The following CHST11 variants were observed in gnomAD, a reference collection of about 807,000 sequenced individuals.
CHST11 encodes the protein carbohydrate sulfotransferase 11.
CHST11 carries 9 observed loss-of-function variants against 30.4 expected under a neutral mutation model. That is an observed-to-expected ratio of 0.30 (90% CI 0.18 to 0.52). The LOEUF is 0.52. Ranked by LOEUF, CHST11 falls within the 20% of genes least tolerant of loss-of-function variation. The pLI is 0.97. For missense variants in CHST11, 348 were observed against 460.6 expected, an observed-to-expected ratio of 0.76 and a Z score of 2.24; for synonymous variants, 152 against 187.8, an observed-to-expected ratio of 0.81 and a Z score of 1.56.
At chr12:104,501,699 A>C (rs967838788) in intron 1 of CHST11, among the ~76,000 whole-genome samples, 1 of 152,220 alleles carries the variant, frequency 6.6e-6, no homozygotes. Flanking sequence ...GGAGAAAATG[A>C]ACTCATGAGT....
intron 1 of CHST11, among the ~76,000 whole-genome samples, chr12:104,476,118 AAT>A (rs2037558748): frequency 1.4e-5 from 2 of 144,088 alleles, no homozygotes; most frequent in Non-Finnish European, 3.0e-5. Flanking sequence ...TATAAATAAT[AAT>A]ATATAATATA....
intron 1 of CHST11, among the ~76,000 whole-genome samples, chr12:104,563,450 G>A (rs536483169): frequency 2.0e-5 from 3 of 152,160 alleles, no homozygotes; most frequent in East Asian, 3.9e-4. Flanking sequence ...TCGCTCAAGG[G>A]GCTGTATGCT....
At chr12:104,602,308 C>A (rs539578073) in intron 2 of CHST11, 138 of 403,372 alleles carry the variant, frequency 3.4e-4, no homozygotes, top group Non-Finnish European at 5.1e-4. Flanking sequence ...CGAAGCTGTG[C>A]AGTCTTCCCT....
intron 1 of CHST11, among the ~76,000 whole-genome samples, chr12:104,567,542 A>G (rs983418185): frequency 2.0e-5 from 3 of 152,030 alleles, no homozygotes; most frequent in Non-Finnish European, 1.5e-5. Flanking sequence ...TGCCTGCCCA[A>G]AGTACCTCTA....
Position 104,581,378 on chromosome 12 carries a change from C to T in CHST11, c.119-20528C>T, listed in dbSNP as rs141240417. Among the ~76,000 whole-genome samples the T allele has an allele frequency of 4.9e-3, 748 of 152,296 alleles. 6 individuals are homozygous for T. Among genetic ancestry groups the T allele is most frequent in the Non-Finnish European group, 7.0e-3 (478 of 68,030 alleles). ...TATATCTGTGTTTATGATTCAAGCA[C>T]AGCTGTGTCAACTGTTTAACAAAGT... On this transcript the variant is annotated intron_variant, in intron 1 of 2. Transcript: ENST00000303694.
At chr12:104,677,847 CCCT>C (rs1241692944) in intron 2 of CHST11, among the ~76,000 whole-genome samples, 5 of 152,214 alleles carry the variant, frequency 3.3e-5, no homozygotes, top group South Asian at 2.1e-4. Flanking sequence ...ATCACCCTGT[CCCT>C]CAGTTGCTGT....
At chr12:104,747,222 G>A (rs1261858015) in intron 2 of CHST11, among the ~76,000 whole-genome samples, 2 of 152,202 alleles carry the variant, frequency 1.3e-5, no homozygotes, top group African/African-American at 2.4e-5. Flanking sequence ...GATAACTCCC[G>A]GGTGGGTCTC....
chr12:104,654,480 A>G (rs1284391900), intron 2 of CHST11, among the ~76,000 whole-genome samples: 1 of 152,178 alleles, frequency 6.6e-6, no homozygotes, highest in Non-Finnish European at 1.5e-5. Flanking sequence ...CTGTGCAGTG[A>G]GGACAGTGCA....
At chr12:104,544,143 AAAG>A (rs1470672443) in intron 1 of CHST11, among the ~76,000 whole-genome samples, 4 of 34,036 alleles carry the variant, frequency 1.2e-4, no homozygotes, top group Non-Finnish European at 1.2e-4. Flanking sequence ...AAAAAAAAAG[AAAG>A]AAAGAAAGAA....
rs114589271 is a variant in CHST11 at position 104,700,664 on chromosome 12, T to C, written c.205-56285T>C. Reference sequence around the variant, plus strand: ...CCTGGCACCTGGTAATACATTCATATTGCTATTGATTGCTGTTTCAAAAAC... The same window carrying C: ...CCTGGCACCTGGTAATACATTCATACTGCTATTGATTGCTGTTTCAAAAAC... On this transcript the variant is annotated intron_variant, in intron 2 of 2. Coordinates refer to ENST00000303694, the MANE Select transcript of CHST11 (RefSeq NM_018413.6). Among the ~76,000 whole-genome samples, 440 of 152,336 alleles carry C rather than the reference T, an allele frequency of 2.9e-3. 1 individual carries two copies. The highest frequency in any genetic ancestry group is 0.01 in the African/African-American group (430 of 41,572).
At chr12:104,612,091 C>T (rs569928970) in intron 2 of CHST11, among the ~76,000 whole-genome samples, 9 of 152,280 alleles carry the variant, frequency 5.9e-5, no homozygotes, top group East Asian at 1.9e-4. Flanking sequence ...GCAGCAAATA[C>T]GCACTGCGTG....
Position 104,757,818 on chromosome 12 carries a change from G to T in CHST11, c.*15G>T. 1 of 1,590,660 alleles carries T rather than the reference G, an allele frequency of 6.3e-7. No individual in the cohort carries two copies. Among genetic ancestry groups the T allele is most frequent in the South Asian group, 1.1e-5 (1 of 88,476 alleles). On this transcript the variant is annotated 3_prime_UTR_variant, in exon 3 of 3. Coordinates refer to ENST00000303694, the MANE Select transcript of CHST11 (RefSeq NM_018413.6). The surrounding 1 kb of genome is among the most constrained non-coding windows in gnomAD (Gnocchi z 6.5). Reference sequence around the variant, plus strand: ...AATTGGAATAAAGGGGGTGGGGAGAGGGAGAGAATCATGCTTTTTAATTTA... The same window carrying T: ...AATTGGAATAAAGGGGGTGGGGAGATGGAGAGAATCATGCTTTTTAATTTA...
In CHST11 at chr12:104,631,136, A is replaced by C. The variant is rs73386298; in HGVS notation, c.204+29145A>C. Among the ~76,000 whole-genome samples, 574 of 152,320 alleles carry C rather than the reference A, an allele frequency of 3.8e-3. 6 individuals carry two copies. Among genetic ancestry groups the C allele is most frequent in the African/African-American group, 0.013 (537 of 41,568 alleles). On this transcript the variant is annotated intron_variant, in intron 2 of 2. Coordinates refer to ENST00000303694, the MANE Select transcript of CHST11 (RefSeq NM_018413.6). The stretch of plus-strand genomic sequence containing the variant: ...ATGCTGTTAACCAAATGTGGGAAGA[A>C]GCAGCACAGTGAGTCAATGGAGCAA...
At chr12:104,674,102 G>T (rs2039719595) in intron 2 of CHST11, among the ~76,000 whole-genome samples, 1 of 151,944 alleles carries the variant, frequency 6.6e-6, no homozygotes, top group South Asian at 2.1e-4. Flanking sequence ...ATTTCAGACT[G>T]CGGTCCCAGA....
At chr12:104,590,521 C>G (rs1464771404) in intron 1 of CHST11, among the ~76,000 whole-genome samples, 4 of 152,176 alleles carry the variant, frequency 2.6e-5, no homozygotes, top group Non-Finnish European at 5.9e-5. Context: ...ATAGACAAGA[C>G]AGTCCAAGTC....
chr12:104,674,797 CT>C (rs2039725568), intron 2 of CHST11, among the ~76,000 whole-genome samples: 1 of 151,952 alleles, frequency 6.6e-6, no homozygotes, highest in African/African-American at 2.4e-5. Context: ...ATATAATGCC[CT>C]TGTCTTCTTG....
intron 2 of CHST11, among the ~76,000 whole-genome samples, chr12:104,730,973 C>A (rs548187987): frequency 6.6e-6 from 1 of 152,332 alleles, no homozygotes; most frequent in African/African-American, 2.4e-5. Flanking sequence ...GGAGAGGATG[C>A]CCATCTTACC....
chr12:104,683,556 A>G (rs374672102), intron 2 of CHST11, among the ~76,000 whole-genome samples: 11 of 152,110 alleles, frequency 7.2e-5, no homozygotes, highest in African/African-American at 2.7e-4. Context: ...AGAAATATGG[A>G]TAGATTTTCC....
intron 1 of CHST11, among the ~76,000 whole-genome samples, chr12:104,556,564 T>C (rs1438929151): frequency 6.6e-6 from 1 of 152,232 alleles, no homozygotes; most frequent in Non-Finnish European, 1.5e-5. Context: ...TTGGCAATCC[T>C]TGGTGTTCCC....
Sources: allele counts gnomAD v4.1 joint callset (sites outside exome capture counted in the v4.1 genomes callset), GRCh38; gene constraint gnomAD v4.1.1; non-coding constraint Gnocchi (gnomAD v3.1); transcripts MANE v1.5; gene names NCBI Gene and HGNC (gene_info 2026-07-23, HGNC 2026-07-21).